The following WAC variants were observed in gnomAD, a reference collection of about 807,000 sequenced individuals.
WAC encodes WW domain-containing adapter protein with coiled-coil.
In WAC, 11 loss-of-function variants were observed where a neutral mutation model predicts 79.6. That is an observed-to-expected ratio of 0.14 (90% CI 0.09 to 0.23). WAC has a LOEUF of 0.23. WAC is among the 10% of genes least tolerant of loss of function. WAC has a pLI of 1.00. For synonymous variants in WAC, 304 were observed against 276.9 expected (o/e 1.10, Z -0.97); for missense variants, 728 against 773.5 (o/e 0.94, Z 0.70).
intron 3 of WAC, among the ~76,000 whole-genome samples, chr10:28,546,351 T>C (rs1837347654): frequency 6.6e-6 from 1 of 152,212 alleles, no homozygotes; most frequent in South Asian, 2.1e-4. Context: ...TGTGTGCCTG[T>C]TGATTGTGAA....
intron 3 of WAC, among the ~76,000 whole-genome samples, chr10:28,558,941 AT>A (rs1838148085): frequency 6.6e-6 from 1 of 152,222 alleles, no homozygotes; most frequent in South Asian, 2.1e-4. Context: ...CGGGTAGTTC[AT>A]TTGGTGCAAA....
chr10:28,578,516 T>C lies in WAC; in HGVS notation c.275-4883T>C, dbSNP rs533400510. The stretch of plus-strand genomic sequence containing the variant: ...ACTGAAAACTGTTGTTCCACCTTTT[T>C]GAAAGCTGGTTGCCTTTCCCACTGC... On this transcript the variant is annotated intron_variant, in intron 3 of 13. Transcript: ENST00000354911. Among the ~76,000 whole-genome samples, 15 of 152,306 alleles carry C rather than the reference T, an allele frequency of 9.8e-5. No homozygotes were observed. In the South Asian group the frequency reaches 3.1e-3, roughly 32 times the overall value.
In WAC at chr10:28,533,525, G is replaced by T; in HGVS notation, c.-55G>T. ...GCCGCCGCCGCCTGCGCGCCCGCCC[G>T]CCTTTCGCGGCCGCTCTCCCCCCTC... On this transcript the variant is annotated 5_prime_UTR_variant, in exon 1 of 14. Coordinates refer to ENST00000354911, the MANE Select transcript of WAC (RefSeq NM_016628.5). The T allele has an allele frequency of 8.5e-7, 1 of 1,181,628 alleles. No individual in the cohort carries two copies. The highest frequency in any genetic ancestry group is 1.1e-6 in the Non-Finnish European group (1 of 928,370). 73.2% of individuals were successfully genotyped at this position (1,181,628 alleles called of 1,614,324 possible). A position where few individuals can be genotyped will look rare whatever the true frequency, so the allele number is the denominator to read the frequency against.
rs538311422 is a variant in WAC, at chr10:28,557,880, C to CTGGCT, written c.274+22124_274+22128dup. The stretch of plus-strand genomic sequence containing the variant: ...ATGAGGTCAGGAGATTGAGACTGTC[C>CTGGCT]TGGCTAACATTGTGAAACCTCGTCT... On this transcript the variant is annotated intron_variant, in intron 3 of 13. Transcript: ENST00000354911. 2.7e-3 allele frequency among the ~76,000 whole-genome samples: 412 copies of CTGGCT among 152,142 alleles called. 2 individuals carry two copies. The highest frequency in any genetic ancestry group is 9.4e-3 in the African/African-American group (391 of 41,486).
chr10:28,619,136 G>A (rs776016082), intron 13 of WAC, among the ~76,000 whole-genome samples: 5 of 152,242 alleles, frequency 3.3e-5, no homozygotes, highest in South Asian at 2.1e-4. Flanking sequence ...AAAATTAGCC[G>A]GGCGTAAGGA....
At chr10:28,604,026 ATTTT>A (rs1416964355) in intron 7 of WAC, among the ~76,000 whole-genome samples, 2 of 140,660 alleles carry the variant, frequency 1.4e-5, no homozygotes, top group Non-Finnish European at 3.1e-5. Flanking sequence ...AAGTACACTG[ATTTT>A]TTTTAAGTTA....
intron 8 of WAC, 35 bp from the exon 9 acceptor site, chr10:28,610,664 T>G: frequency 6.3e-7 from 1 of 1,578,618 alleles, no homozygotes; most frequent in Non-Finnish European, 8.6e-7. Context: ...AAGCCTCTTG[T>G]TTTTATATGA....
chr10:28,612,388 T>A (rs1841285159), intron 10 of WAC, among the ~76,000 whole-genome samples: 1 of 152,180 alleles, frequency 6.6e-6, no homozygotes, highest in East Asian at 1.9e-4. Context: ...CAGTTAAGTT[T>A]TTGTGGTAGA....
At chr10:28,586,069 T>C (rs1488815749) in intron 4 of WAC, among the ~76,000 whole-genome samples, 2 of 152,178 alleles carry the variant, frequency 1.3e-5, no homozygotes, top group African/African-American at 4.8e-5. Context: ...AGTAGTGGTC[T>C]TTTGCATTAT....
intron 10 of WAC, among the ~76,000 whole-genome samples, chr10:28,613,558 ACTT>A (rs1326078864): frequency 6.6e-6 from 1 of 152,186 alleles, no homozygotes; most frequent in Non-Finnish European, 1.5e-5. Context: ...TGTTCCAAAA[ACTT>A]CTTCAAGTTG....
At chr10:28,574,669 C>T (rs1305066783) in intron 3 of WAC, among the ~76,000 whole-genome samples, 2 of 152,162 alleles carry the variant, frequency 1.3e-5, no homozygotes, top group African/African-American at 4.8e-5. Context: ...GTCTCAAACT[C>T]CTGAGCTCAG....
At chr10:28,549,660 AGCCTGAAT>A (rs1837554318) in intron 3 of WAC, among the ~76,000 whole-genome samples, 1 of 152,192 alleles carries the variant, frequency 6.6e-6, no homozygotes, top group Non-Finnish European at 1.5e-5. Flanking sequence ...TAACCCTGAA[AGCCTGAAT>A]TTTATAGGTC....
At chr10:28,577,228 T>G (rs775954855) in intron 3 of WAC, among the ~76,000 whole-genome samples, 3 of 152,212 alleles carry the variant, frequency 2.0e-5, no homozygotes, top group Non-Finnish European at 4.4e-5. Context: ...GTTGTATTGG[T>G]TCGTGTGTAC....
At chr10:28,580,422 T>C (rs1274880946) in intron 3 of WAC, among the ~76,000 whole-genome samples, 1 of 152,244 alleles carries the variant, frequency 6.6e-6, no homozygotes, top group Non-Finnish European at 1.5e-5. Flanking sequence ...ATATACCTTA[T>C]GTTTGTAGAA....
intron 3 of WAC, among the ~76,000 whole-genome samples, chr10:28,540,928 T>A (rs1379465371): frequency 2.6e-5 from 4 of 152,206 alleles, no homozygotes; most frequent in African/African-American, 9.6e-5. Context: ...CATCTGTGCA[T>A]GTAAATTGTT....
chr10:28,559,430 A>G (rs1287963444), intron 3 of WAC, among the ~76,000 whole-genome samples: 1 of 152,134 alleles, frequency 6.6e-6, no homozygotes, highest in Non-Finnish European at 1.5e-5. Context: ...GTGGGAAAGT[A>G]ATGCAAGATG....
In WAC at chr10:28,535,709, A is replaced by T. The variant is rs566024326; in HGVS notation, c.226A>T (p.Ser76Cys). The change falls in exon 3 of 14, where the codon AGT (serine) becomes TGT (cysteine). Residue 76 changes from serine (S) to cysteine (C), a missense_variant. Around this residue, in one of 3 missense-constraint regions of WAC, gnomAD observed 648 missense variants for 661.5 expected, o/e 0.98. Transcript: ENST00000354911. ...ENKYSDSTGH[S>C]KAKNVHTHRV... ...CAAATACAGTGACAGCACAGGTCAC[A>T]GTAAGGCCAAAAATGTGCATACTCA... 6.2e-7 allele frequency: 1 copy of T among 1,614,100 alleles called. No homozygotes were observed. Among genetic ancestry groups the T allele is most frequent in the East Asian group, 2.2e-5 (1 of 44,868 alleles).
intron 10 of WAC, among the ~76,000 whole-genome samples, chr10:28,612,159 A>G (rs145038211): frequency 8.2e-4 from 125 of 152,232 alleles, no homozygotes; most frequent in African/African-American, 2.9e-3. Flanking sequence ...TGGTTTTGGG[A>G]TTTGTCACAT....
chr10:28,541,824 C>G (rs1233871421), intron 3 of WAC, among the ~76,000 whole-genome samples: 2 of 152,124 alleles, frequency 1.3e-5, no homozygotes, highest in South Asian at 2.1e-4. Flanking sequence ...CATTTTAGTT[C>G]TGGCTACCAC....
Sources: allele counts gnomAD v4.1 joint callset (sites outside exome capture counted in the v4.1 genomes callset), GRCh38; gene constraint gnomAD v4.1.1; regional missense constraint gnomAD v4.1.1; transcripts MANE v1.5; gene names NCBI Gene and HGNC (gene_info 2026-07-23, HGNC 2026-07-21).